TAF1D: variants seen among roughly 807,000 people sequenced by gnomAD.
TAF1D encodes TATA-box binding protein associated factor, RNA polymerase I subunit D.
Under a neutral mutation model 26.2 loss-of-function variants are expected in TAF1D, and 23 were observed. The observed-to-expected ratio is 0.88, with a 90% CI of 0.63 to 1.25. The LOEUF is 1.25. Ranked by LOEUF, TAF1D falls within the 50% of genes most tolerant of loss-of-function variation. TAF1D has a pLI of 0.00. For synonymous variants in TAF1D, 100 were observed against 105.6 expected (o/e 0.95, Z 0.33); for missense variants, 299 against 322.0 (o/e 0.93, Z 0.55).
At chr11:93,732,911 T>C (rs948789670), downstream of TAF1D, 1 of 235,360 alleles carries the variant, frequency 4.2e-6, no homozygotes, top group East Asian at 1.1e-4. Context: ...GTAGTTTCGT[T>C]TGGTAGGTAT....
intron 4 of TAF1D, 147 bp from the exon 5 acceptor site, chr11:93,736,898 T>C (rs1033279273): frequency 1.8e-6 from 2 of 1,107,254 alleles, no homozygotes; most frequent in Non-Finnish European, 2.5e-6. Flanking sequence ...GAATTCTAGA[T>C]GAACGGTGTG....
In TAF1D at chr11:93,740,930, G is replaced by C. The variant is rs1161484509; in HGVS notation, c.-28+392C>G. On this transcript the variant is annotated intron_variant, in intron 1 of 5. Coordinates refer to ENST00000448108, the MANE Select transcript of TAF1D (RefSeq NM_024116.4). The stretch of plus-strand genomic sequence containing the variant: ...AATTCTTAGAGGCCACGTGGGCAGA[G>C]AGCGGCGCTTTACCCGGAGCTAACG... Among the ~76,000 whole-genome samples, 5 of 152,336 alleles carry C rather than the reference G, an allele frequency of 3.3e-5. No individual in the cohort carries two copies. The South Asian group carries it at 6.2e-4, about 19-fold the overall frequency.
At chr11:93,737,001 G>T in intron 4 of TAF1D, 63 bp downstream of exon 4, 1 of 1,359,250 alleles carries the variant, frequency 7.4e-7, no homozygotes, top group Non-Finnish European at 9.8e-7. Context: ...AAAATATGAA[G>T]CAATTAACAT....
At chr11:93,739,961 C>CAAAAAAAA (rs67574108) in intron 1 of TAF1D, among the ~76,000 whole-genome samples, 152 of 82,084 alleles carry the variant, frequency 1.9e-3, no homozygotes, top group African/African-American at 2.6e-3. Flanking sequence ...TACAACATAC[C>CAAAAAAAA]AAAAAAAAAA....
At chr11:93,732,875 G>A, downstream of TAF1D, 1 of 229,870 alleles carries the variant, frequency 4.4e-6, no homozygotes, top group Non-Finnish European at 8.8e-6. Context: ...GTAACTGCCA[G>A]TTGAATAATG....
At chr11:93,739,047 A>G (rs1941300146) in intron 2 of TAF1D, 190 bp downstream of exon 2, 1 of 567,258 alleles carries the variant, frequency 1.8e-6, no homozygotes, top group Admixed American at 3.5e-5. Flanking sequence ...GTCCCATAAT[A>G]TATTCACATT....
Position 93,736,076 on chromosome 11 carries a change from C to CTGG in TAF1D, c.*82_*84dup, listed in dbSNP as rs1265807980. 1.7e-5 allele frequency: 27 copies of CTGG among 1,572,656 alleles called. No homozygotes were observed. The East Asian group carries it at 5.0e-4, about 29-fold the overall frequency. On this transcript the variant is annotated 3_prime_UTR_variant, in exon 6 of 6. Coordinates refer to ENST00000448108, the MANE Select transcript of TAF1D (RefSeq NM_024116.4). ...GTTTCAGAATTTCTTCACCACCAGACTGGTACATATATCCACATTTATCTT... is the reference window on the plus strand; with the variant it reads ...GTTTCAGAATTTCTTCACCACCAGACTGGTGGTACATATATCCACATTTATCTT...
At chr11:93,738,036 T>C (rs1326742524) in intron 3 of TAF1D, 73 bp downstream of exon 3, 3 of 1,488,338 alleles carry the variant, frequency 2.0e-6, no homozygotes, top group African/African-American at 2.8e-5. Context: ...TCTGAGACAA[T>C]TCTAAATTGG....
chr11:93,741,202 C>T, intron 1 of TAF1D, 120 bp downstream of exon 1: 1 of 410,378 alleles, frequency 2.4e-6, no homozygotes, highest in South Asian at 1.8e-5. Context: ...CCTTCACCCT[C>T]TCGGACCGAC....
chr11:93,732,562 C>T (rs142588356), downstream of TAF1D: 2 of 438,688 alleles, frequency 4.6e-6, no homozygotes, highest in African/African-American at 2.0e-5. Context: ...AATGCTTTCA[C>T]AAACCTCTCA....
chr11:93,738,419 C>T lies in TAF1D; in HGVS notation c.149G>A (p.Arg50Gln), dbSNP rs756330723. The change falls in exon 3 of 6, where the codon CGA becomes CAA. Residue 50 changes from arginine (R) to glutamine (Q), a missense_variant. By Grantham distance (43) the Arg-to-Gln change is conservative. Coordinates refer to ENST00000448108, the MANE Select transcript of TAF1D (RefSeq NM_024116.4). ...ACTTTCAGGTGTACGAACAAATTTT[C>T]GAATGGGGTTTCTTTTCTCCCCTTT... ...SPKGEKRNPI[R>Q]KFVRTPESVH... 23 of 1,612,672 alleles carry T rather than the reference C, an allele frequency of 1.4e-5. No homozygotes were observed. Among genetic ancestry groups the T allele is most frequent in the Non-Finnish European group, 1.8e-5 (21 of 1,179,740 alleles).
downstream of TAF1D, chr11:93,733,537 T>C (rs1471466745): frequency 1.9e-6 from 1 of 518,898 alleles, no homozygotes; most frequent in Non-Finnish European, 3.8e-6. Context: ...AGAGTTACTC[T>C]ATGAGGCGTT....
chr11:93,740,178 C>T lies in TAF1D; in HGVS notation c.-27-847G>A, dbSNP rs183938262. Among the ~76,000 whole-genome samples, 250 of 151,554 alleles carry T rather than the reference C, an allele frequency of 1.6e-3. 8 individuals carry two copies. In the East Asian group the frequency reaches 0.043, roughly 26 times the overall value. On this transcript the variant is annotated intron_variant, in intron 1 of 5. Coordinates refer to ENST00000448108, the MANE Select transcript of TAF1D (RefSeq NM_024116.4). The stretch of plus-strand genomic sequence containing the variant: ...ACGGAAATTAGCCAGAATAGTGGCG[C>T]GCGCCTGTGGTCAGGAGGCTGGGGT...
chr11:93,741,009 G>GC (rs2135548985), intron 1 of TAF1D, among the ~76,000 whole-genome samples: 1 of 152,334 alleles, frequency 6.6e-6, no homozygotes, highest in East Asian at 1.9e-4. Flanking sequence ...GAAAACCGGC[G>GC]CGAGTAATGG....
At chr11:93,730,820 CTGCT>C (rs550582469), downstream of TAF1D, 223 of 401,594 alleles carry the variant, frequency 5.6e-4, 1 homozygote, top group Non-Finnish European at 9.0e-4. Context: ...CTACTACAAA[CTGCT>C]TGGTTATTAG....
exon 12 of TAF1D, chr11:93,730,404 T>G: frequency 1.2e-6 from 1 of 804,606 alleles, no homozygotes; most frequent in Non-Finnish European, 2.2e-6. Flanking sequence ...TCACTTTAGA[T>G]CCTCTAAAGA....
intron 2 of TAF1D, chr11:93,738,966 C>A: frequency 2.1e-6 from 1 of 469,744 alleles, no homozygotes; most frequent in African/African-American, 2.0e-5. Context: ...ACACAGCCTA[C>A]CGAACCGGAG....
At chr11:93,732,344 T>C, downstream of TAF1D, 1 of 518,112 alleles carries the variant, frequency 1.9e-6, no homozygotes, top group South Asian at 1.4e-5. Flanking sequence ...CTGAACACTC[T>C]GAGAAACCTA....
chr11:93,734,289 A>G (rs1940174892), downstream of TAF1D: 1 of 192,498 alleles, frequency 5.2e-6, no homozygotes, highest in Non-Finnish European at 1.1e-5. Context: ...ATCATCTTTT[A>G]TTATACTATA....
Sources: gnomAD v4.1 joint callset for allele counts (sites outside exome capture counted in the v4.1 genomes callset) on GRCh38, gnomAD v4.1.1 for gene constraint, MANE v1.5 for transcripts, NCBI Gene and HGNC (gene_info 2026-07-23, HGNC 2026-07-21) for gene names.